Variants in RGS9 observed in about 807,000 individuals in gnomAD.
The protein encoded by RGS9 is regulator of G protein signaling 9, also known as regulator of G-protein signalling 9.
A neutral mutation model predicts 102.0 loss-of-function variants in RGS9; 78 were observed. That is an observed-to-expected ratio of 0.76 (90% CI 0.64 to 0.92). The LOEUF is 0.92. Among genes scored for constraint, RGS9 ranks in the 40% least tolerant of loss-of-function variants. The probability of loss-of-function intolerance (pLI) is 0.00; values close to 1 mark genes in which losing one functional copy is unlikely to be tolerated. For missense variants in RGS9, 833 were observed against 866.1 expected, an observed-to-expected ratio of 0.96 and a Z score of 0.48; for synonymous variants, 353 against 318.6, an observed-to-expected ratio of 1.11 and a Z score of -1.15.
chr17:65,184,192 C>A (rs529393667), intron 9 of RGS9, among the ~76,000 whole-genome samples: 1 of 151,292 alleles, frequency 6.6e-6, no homozygotes, highest in African/African-American at 2.4e-5. Flanking sequence ...ATTGTGCGTA[C>A]TTTTTTTTTG....
intron 12 of RGS9, 37 bp from the exon 13 acceptor site, chr17:65,197,089 G>A (rs1379384166): frequency 5.3e-6 from 8 of 1,501,352 alleles, no homozygotes; most frequent in East Asian, 2.3e-5. Flanking sequence ...TGTCACAACC[G>A]CTACCTCTCT....
rs1335684857 is a variant in RGS9, at chr17:65,173,825, C to T, written c.583-3907C>T. Reference sequence around the variant, plus strand: ...TAGTGGGTCAAAGACTTTACACTACCTGATGAATGAAGAAATGGATGAATG... The same window carrying T: ...TAGTGGGTCAAAGACTTTACACTACTTGATGAATGAAGAAATGGATGAATG... On this transcript the variant is annotated intron_variant, in intron 8 of 18. Coordinates refer to ENST00000262406, the MANE Select transcript of RGS9 (RefSeq NM_003835.4). The surrounding 1 kb of genome is among the most constrained non-coding windows in gnomAD (Gnocchi z 4.8). Among the ~76,000 whole-genome samples, 1 of 150,142 alleles carries T rather than the reference C, an allele frequency of 6.7e-6. No individual in the cohort carries two copies. Among genetic ancestry groups the T allele is most frequent in the East Asian group, 1.9e-4 (1 of 5,202 alleles).
chr17:65,143,229 C>A (rs1910224415), intron 1 of RGS9, among the ~76,000 whole-genome samples: 1 of 152,148 alleles, frequency 6.6e-6, no homozygotes, highest in Non-Finnish European at 1.5e-5. Flanking sequence ...CTACAACACA[C>A]AGGACAGCCG....
intron 15 of RGS9, among the ~76,000 whole-genome samples, chr17:65,206,629 A>T (rs995088520): frequency 1.3e-5 from 2 of 152,180 alleles, no homozygotes; most frequent in Admixed American, 6.5e-5. Flanking sequence ...GTGAGTTGAG[A>T]TCGTGCCACT....
intron 6 of RGS9, among the ~76,000 whole-genome samples, chr17:65,161,720 T>A (rs1910992944): frequency 1.3e-5 from 2 of 151,014 alleles, no homozygotes; most frequent in Admixed American, 6.6e-5. Flanking sequence ...ATTTATTTAT[T>A]TATTTATTTA....
chr17:65,189,341 A>G lies in RGS9; in HGVS notation c.684+26A>G, dbSNP rs747133864. 25 of 1,580,854 alleles carry G rather than the reference A, an allele frequency of 1.6e-5. No individual in the cohort carries two copies. The East Asian group carries it at 5.4e-4, about 34-fold the overall frequency. On this transcript the variant is annotated intron_variant, in intron 10 of 18. Coordinates refer to ENST00000262406, the MANE Select transcript of RGS9 (RefSeq NM_003835.4). ...GTAATTAGTCTTACACTTCCAGTGA[A>G]GAATGGTTTTAAATCTTCTAACAGG...
intron 9 of RGS9, among the ~76,000 whole-genome samples, chr17:65,183,339 T>C (rs1433029128): frequency 6.6e-6 from 1 of 152,190 alleles, no homozygotes; most frequent in East Asian, 1.9e-4. Flanking sequence ...GCCGGGCTGA[T>C]CTCAAAATCC....
chr17:65,137,744 T>C (rs148944381), intron 1 of RGS9, 147 bp downstream of exon 1: 29 of 698,188 alleles, frequency 4.2e-5, no homozygotes, highest in South Asian at 2.8e-4. Flanking sequence ...CTTTGCTGTG[T>C]GTGTCGATAT....
rs371001907 is a variant in RGS9, at chr17:65,138,133, G to C, written c.57+536G>C. Among the ~76,000 whole-genome samples, 21 of 152,176 alleles carry C rather than the reference G, an allele frequency of 1.4e-4. 1 individual carries two copies. Among genetic ancestry groups the C allele is most frequent in the African/African-American group, 5.1e-4 (21 of 41,426 alleles). On this transcript the variant is annotated intron_variant, in intron 1 of 18. Transcript: ENST00000262406. The stretch of plus-strand genomic sequence containing the variant: ...TGGCGGCAGAAGTCCCAACCTTTTC[G>C]CTTCCCTTGCGAATGCTTTCCCAGA...
chr17:65,148,266 C>T (rs1910445923), intron 1 of RGS9, among the ~76,000 whole-genome samples: 1 of 152,220 alleles, frequency 6.6e-6, no homozygotes, highest in Non-Finnish European at 1.5e-5. Context: ...TTTCGAAAGC[C>T]AAACAATGTT....
At position 65,227,399 on chromosome 17, in the gene RGS9, A is replaced by ATCT. The variant is rs1905743932; in HGVS notation, c.2017_2018insTCT (p.Ser673delinsIleCys). Reference sequence around the variant, plus strand: ...AAAGGAGGTCATCTGCCCCTGGGAGAGCCTGTAAGGAAAGAGGCAGGCTGA... The same window carrying ATCT: ...AAAGGAGGTCATCTGCCCCTGGGAGATCTGCCTGTAAGGAAAGAGGCAGGCTGA... On this transcript the variant is annotated protein_altering_variant, in exon 19 of 19. Coordinates refer to ENST00000262406, the MANE Select transcript of RGS9 (RefSeq NM_003835.4). The ATCT allele has an allele frequency of 2.5e-6, 4 of 1,613,512 alleles. No individual in the cohort carries two copies. Among genetic ancestry groups the ATCT allele is most frequent in the Non-Finnish European group, 3.4e-6 (4 of 1,179,712 alleles).
chr17:65,159,371 T>A (rs910090925), intron 3 of RGS9, among the ~76,000 whole-genome samples: 1 of 152,084 alleles, frequency 6.6e-6, no homozygotes, highest in Non-Finnish European at 1.5e-5. Flanking sequence ...AGAAAATGGA[T>A]TGGAGCAGAA....
chr17:65,204,355 G>A, intron 15 of RGS9, 54 bp downstream of exon 15: 2 of 1,599,392 alleles, frequency 1.3e-6, no homozygotes, highest in Middle Eastern at 1.7e-4. Flanking sequence ...CTGTCACTAA[G>A]TACCCGGAAA....
chr17:65,218,855 C>T (rs1386071555), intron 17 of RGS9, among the ~76,000 whole-genome samples: 1 of 152,256 alleles, frequency 6.6e-6, no homozygotes, highest in Non-Finnish European at 1.5e-5. Flanking sequence ...TGCCCAGCAT[C>T]CTGCTAAGTG....
intron 11 of RGS9, among the ~76,000 whole-genome samples, chr17:65,192,232 G>A (rs150877709): frequency 6.6e-6 from 1 of 152,170 alleles, no homozygotes; most frequent in East Asian, 1.9e-4. Flanking sequence ...TTCTTTTCTG[G>A]CTATTTGAAA....
At position 65,168,185 on chromosome 17, in the gene RGS9, CT is replaced by C; in HGVS notation, c.501-11del. 6.3e-7 allele frequency: 1 copy of C among 1,599,168 alleles called. No homozygotes were observed. The highest frequency in any genetic ancestry group is 8.5e-7 in the Non-Finnish European group (1 of 1,170,900). On this transcript the variant is annotated splice_polypyrimidine_tract_variant and intron_variant, in intron 7 of 18. Transcript: ENST00000262406. ...AAAGTCTTCCTGGCCTTACACGTGG[CT>C]TTTGGCTTTCCAGGGCTGGAAAGGA...
chr17:65,169,554 G>A (rs1470925560), intron 8 of RGS9, among the ~76,000 whole-genome samples: 1 of 152,194 alleles, frequency 6.6e-6, no homozygotes, highest in Non-Finnish European at 1.5e-5. Context: ...AGACACCTTG[G>A]TGCCCAGTGG....
At chr17:65,139,582 G>A (rs774515175) in intron 1 of RGS9, among the ~76,000 whole-genome samples, 27 of 152,164 alleles carry the variant, frequency 1.8e-4, no homozygotes, top group East Asian at 5.8e-4. Flanking sequence ...CTCAGGGTCC[G>A]TCTGCTGGGA....
At chr17:65,169,572 C>T (rs1409499621) in intron 8 of RGS9, among the ~76,000 whole-genome samples, 1 of 152,212 alleles carries the variant, frequency 6.6e-6, no homozygotes, top group Non-Finnish European at 1.5e-5. Flanking sequence ...TGGCACCATA[C>T]CTGAGGGTAG....
Sources: allele counts gnomAD v4.1 joint callset (sites outside exome capture counted in the v4.1 genomes callset), GRCh38; gene constraint gnomAD v4.1.1; non-coding constraint Gnocchi (gnomAD v3.1); transcripts MANE v1.5; gene names NCBI Gene and HGNC (gene_info 2026-07-23, HGNC 2026-07-21).